The following ITPR1 variants were observed in gnomAD, a reference collection of about 807,000 sequenced individuals.
ITPR1 encodes the protein inositol 1,4,5-trisphosphate-gated calcium channel ITPR1.
ITPR1 carries 96 observed loss-of-function variants against 318.4 expected under a neutral mutation model. That is an observed-to-expected ratio of 0.30 (90% CI 0.26 to 0.36). The LOEUF (loss-of-function observed/expected upper bound fraction) is 0.36, where lower values mean the gene tolerates loss of function less well. Among genes scored for constraint, ITPR1 ranks in the 10% least tolerant of loss-of-function variants. The pLI, the probability that ITPR1 is intolerant of heterozygous loss-of-function variation, is 1.00. For synonymous variants in ITPR1, 1,312 were observed against 1,289.9 expected (o/e 1.02, Z -0.37); for missense variants, 2,440 against 3,460.2 (o/e 0.71, Z 7.40).
chr3:4,614,341 C>T (rs1292677599), intron 4 of ITPR1, among the ~76,000 whole-genome samples: 1 of 152,232 alleles, frequency 6.6e-6, no homozygotes, highest in East Asian at 1.9e-4. Context: ...GCAGTGTGGT[C>T]TTCCAGCGTT....
intron 42 of ITPR1, 27 bp from the exon 43 acceptor site, chr3:4,733,061 T>C: frequency 6.2e-7 from 1 of 1,605,278 alleles, no homozygotes; most frequent in Non-Finnish European, 8.5e-7. Flanking sequence ...ATGCAGAAGC[T>C]GATTTTATTA....
chr3:4,638,122 ACT>A (rs536793996), intron 5 of ITPR1, among the ~76,000 whole-genome samples: 4 of 152,074 alleles, frequency 2.6e-5, no homozygotes, highest in African/African-American at 9.6e-5. Flanking sequence ...CGTCCAGAAG[ACT>A]CTGTGAAAAT....
intron 45 of ITPR1, 98 bp downstream of exon 45, chr3:4,766,808 T>G: frequency 1.0e-6 from 1 of 971,386 alleles, no homozygotes; most frequent in Non-Finnish European, 1.5e-6. Flanking sequence ...CTAAAATGCA[T>G]TATGATGGGA....
chr3:4,704,353 G>A (rs912326888), intron 36 of ITPR1, among the ~76,000 whole-genome samples: 97 of 152,146 alleles, frequency 6.4e-4, no homozygotes, highest in South Asian at 2.1e-4. Flanking sequence ...CGGAGGTTGC[G>A]GTGAGCCGAG....
intron 4 of ITPR1, among the ~76,000 whole-genome samples, chr3:4,523,350 CATG>C (rs1230188735): frequency 6.6e-6 from 1 of 152,066 alleles, no homozygotes; most frequent in Non-Finnish European, 1.5e-5. Context: ...TGGTGTACAA[CATG>C]ATGTTTTAGA....
chr3:4,831,649 G>A (rs1352013148), intron 60 of ITPR1, among the ~76,000 whole-genome samples: 1 of 152,144 alleles, frequency 6.6e-6, no homozygotes, highest in Non-Finnish European at 1.5e-5. Flanking sequence ...AAATCCATTA[G>A]AAGCCAAGAC....
intron 4 of ITPR1, among the ~76,000 whole-genome samples, chr3:4,609,631 G>A (rs1358424906): frequency 2.0e-5 from 3 of 151,988 alleles, no homozygotes; most frequent in Non-Finnish European, 2.9e-5. Flanking sequence ...GGTGCTCAGG[G>A]CTGGGTCACA....
intron 40 of ITPR1, among the ~76,000 whole-genome samples, chr3:4,721,855 A>G (rs1407979784): frequency 2.6e-5 from 4 of 152,180 alleles, no homozygotes; most frequent in African/African-American, 9.7e-5. Flanking sequence ...AAGCGGATGG[A>G]TGGATGTGCG....
rs1198139255 is a variant in ITPR1, at chr3:4,830,225, C to A, written c.8029-6549C>A. Among the ~76,000 whole-genome samples the A allele has an allele frequency of 2.0e-5, 3 of 151,998 alleles. No individual in the cohort carries two copies. In the East Asian group the frequency reaches 5.8e-4, roughly 29 times the overall value. On this transcript the variant is annotated intron_variant, in intron 60 of 61. Coordinates refer to ENST00000649015, the MANE Select transcript of ITPR1 (RefSeq NM_001378452.1). ...TCCTGACCTCAGGTGATCCGTCCAC[C>A]TCAGCCTCCCAAAGCGCTGGGATTA...
At chr3:4,586,619 C>A (rs1186456285) in intron 4 of ITPR1, among the ~76,000 whole-genome samples, 1 of 151,692 alleles carries the variant, frequency 6.6e-6, no homozygotes, top group Non-Finnish European at 1.5e-5. Context: ...AAGCCATCCT[C>A]CCACCTCAGC....
chr3:4,527,062 T>C (rs78384), intron 4 of ITPR1, among the ~76,000 whole-genome samples: 84,080 of 152,042 alleles, frequency 0.55, 23,812 homozygotes, highest in South Asian at 0.75. Context: ...CCAGAGCGCA[T>C]CTATTTGGTA....
At chr3:4,742,754 C>G (rs889076651) in intron 44 of ITPR1, among the ~76,000 whole-genome samples, 1 of 152,144 alleles carries the variant, frequency 6.6e-6, no homozygotes, top group Admixed American at 6.5e-5. Context: ...CCACCATGCT[C>G]GGTTCTAATT....
At chr3:4,678,840 C>T (rs2094239634) in intron 24 of ITPR1, among the ~76,000 whole-genome samples, 1 of 152,086 alleles carries the variant, frequency 6.6e-6, no homozygotes, top group African/African-American at 2.4e-5. Context: ...TCTTGCTGAG[C>T]AGAGACATAG....
At chr3:4,716,726 C>T (rs770385762) in intron 39 of ITPR1, among the ~76,000 whole-genome samples, 1 of 152,138 alleles carries the variant, frequency 6.6e-6, no homozygotes, top group Non-Finnish European at 1.5e-5. Context: ...CTTAAACAAG[C>T]GTAATTGTGA....
intron 56 of ITPR1, 37 bp downstream of exon 56, chr3:4,811,497 A>G (rs776617839): frequency 1.8e-5 from 28 of 1,528,742 alleles, no homozygotes; most frequent in Non-Finnish European, 2.4e-5. Context: ...TAATGCTAAA[A>G]GATTATTTCC....
In ITPR1 at chr3:4,691,982, GT is replaced by G. The variant is rs1364488470; in HGVS notation, c.4029+641del. ...GCCTGGGCAACATAGTAAGACCCTT[GT>G]TTCTACAAAAAATTTTAAAAATTAG... On this transcript the variant is annotated intron_variant, in intron 32 of 61. Transcript: ENST00000649015. Among the ~76,000 whole-genome samples the G allele has an allele frequency of 3.3e-5, 5 of 152,036 alleles. No homozygotes were observed. In the South Asian group the frequency reaches 1.0e-3, roughly 32 times the overall value.
chr3:4,685,872 C>A (rs2094385353), intron 30 of ITPR1, among the ~76,000 whole-genome samples: 1 of 152,144 alleles, frequency 6.6e-6, no homozygotes, highest in African/African-American at 2.4e-5. Context: ...TGTGTTGTGC[C>A]CACTTGACAG....
intron 32 of ITPR1, 106 bp downstream of exon 32, chr3:4,691,450 G>A (rs2094477183): frequency 2.8e-6 from 2 of 722,904 alleles, no homozygotes; most frequent in African/African-American, 1.8e-5. Context: ...GAGCCATACA[G>A]AAGGACAGAA....
chr3:4,749,109 G>A (rs1047895989), intron 44 of ITPR1: 2 of 152,132 alleles, frequency 1.3e-5, no homozygotes, highest in African/African-American at 4.8e-5. Context: ...AAGGTCACGT[G>A]GTAGACAAGG....
Sources: gnomAD v4.1 joint callset for allele counts (sites outside exome capture counted in the v4.1 genomes callset) on GRCh38, gnomAD v4.1.1 for gene constraint, MANE v1.5 for transcripts, NCBI Gene and HGNC (gene_info 2026-07-23, HGNC 2026-07-21) for gene names.